Variants in VWA8 observed in about 807,000 individuals in gnomAD.
VWA8 encodes the protein von Willebrand factor A domain-containing protein 8.
Under a neutral mutation model 241.5 loss-of-function variants are expected in VWA8, and 221 were observed. That is an observed-to-expected ratio of 0.91 (90% CI 0.82 to 1.02). The LOEUF is 1.02. Ranked by LOEUF, VWA8 falls within the 50% of genes least tolerant of loss-of-function variation. The pLI, the probability that VWA8 is intolerant of heterozygous loss-of-function variation, is 0.00. For missense variants in VWA8, 2,322 were observed against 2,328.7 expected, an observed-to-expected ratio of 1.00 and a Z score of 0.06; for synonymous variants, 852 against 827.1, an observed-to-expected ratio of 1.03 and a Z score of -0.52.
intron 13 of VWA8, among the ~76,000 whole-genome samples, chr13:41,831,176 C>A (rs1871436605): frequency 6.6e-6 from 1 of 152,192 alleles, no homozygotes; most frequent in Admixed American, 6.5e-5. Context: ...GTTGCAATGG[C>A]TGAAAAGCAC....
intron 26 of VWA8, among the ~76,000 whole-genome samples, chr13:41,718,924 G>C (rs2045364164): frequency 6.6e-6 from 1 of 151,618 alleles, no homozygotes; most frequent in Non-Finnish European, 1.5e-5. Flanking sequence ...CAATAAGTTA[G>C]GCATATTGAA....
chr13:41,870,532 G>C (rs538800963), intron 9 of VWA8, among the ~76,000 whole-genome samples: 120 of 151,922 alleles, frequency 7.9e-4, no homozygotes, highest in Non-Finnish European at 1.4e-3. Flanking sequence ...CCAGCTACTC[G>C]GGAGGCTGGG....
In VWA8 at chr13:41,788,295, C is replaced by T. The variant is rs573676924; in HGVS notation, c.2064-752G>A. 8.5e-5 allele frequency among the ~76,000 whole-genome samples: 13 copies of T among 152,264 alleles called. No individual in the cohort carries two copies. In the South Asian group the frequency reaches 1.5e-3, roughly 17 times the overall value. On this transcript the variant is annotated intron_variant, in intron 17 of 44. Transcript: ENST00000379310. ...ACGTTCCAAATAAACATACTAAGAA[C>T]ATACCACTTTTAAACAATTTGGGTT...
At chr13:41,839,245 C>T (rs1362734461) in intron 12 of VWA8, among the ~76,000 whole-genome samples, 3 of 152,072 alleles carry the variant, frequency 2.0e-5, no homozygotes, top group Non-Finnish European at 4.4e-5. Flanking sequence ...CTGTAATGAC[C>T]GGTGATGATG....
chr13:41,855,439 GAAGA>G (rs942989632), intron 12 of VWA8, among the ~76,000 whole-genome samples: 8 of 148,128 alleles, frequency 5.4e-5, no homozygotes, highest in Admixed American at 1.4e-4. Flanking sequence ...AGCTACTGTA[GAAGA>G]AAGAGAAATA....
chr13:41,883,755 T>C (rs542049283), intron 8 of VWA8, among the ~76,000 whole-genome samples: 3 of 152,342 alleles, frequency 2.0e-5, no homozygotes, highest in African/African-American at 7.2e-5. Flanking sequence ...TCTTGACTTC[T>C]TTCTTGAGCT....
Position 41,891,980 on chromosome 13 carries a change from G to A in VWA8, c.484-393C>T, listed in dbSNP as rs75584315. Among the ~76,000 whole-genome samples, 1,074 of 152,244 alleles carry A rather than the reference G, an allele frequency of 7.1e-3. 16 individuals are homozygous for A. The highest frequency in any genetic ancestry group is 0.025 in the African/African-American group (1,026 of 41,546). On this transcript the variant is annotated intron_variant, in intron 4 of 44. Coordinates refer to ENST00000379310, the MANE Select transcript of VWA8 (RefSeq NM_015058.2). ...GTTATCTGCCCTACCTATCCCACAA[G>A]CTTCTTGTAAGGATCAAAAAAGCTA...
At chr13:41,946,990 C>T (rs1877879471) in intron 2 of VWA8, among the ~76,000 whole-genome samples, 1 of 152,196 alleles carries the variant, frequency 6.6e-6, no homozygotes, top group African/African-American at 2.4e-5. Flanking sequence ...GATGTCTGAT[C>T]ACCCCAGCCT....
At chr13:41,861,155 G>A (rs745369535) in intron 12 of VWA8, among the ~76,000 whole-genome samples, 6 of 152,050 alleles carry the variant, frequency 3.9e-5, no homozygotes, top group Non-Finnish European at 8.8e-5. Context: ...AGGTTGCCGT[G>A]AGCCGAGACT....
At position 41,690,215 on chromosome 13, in the gene VWA8, C is replaced by A; in HGVS notation, c.3927G>T (p.Leu1309Phe). Residue 1309 changes from leucine (L) to phenylalanine (F), a missense_variant, in exon 33 of 45, where the codon TTG (leucine) becomes TTT (phenylalanine). Transcript: ENST00000379310. ...TGGGCGGCTCCTCTTTCAGCACATACAACTGGCAAACCCCACTACCCTCAG... is the reference window on the plus strand; with the variant it reads ...TGGGCGGCTCCTCTTTCAGCACATAAAACTGGCAAACCCCACTACCCTCAG... ...IESEGSGVCQ[L>F]YVLKEEPPST... is the part of the protein sequence containing the mutation. 1 of 1,612,756 alleles carries A rather than the reference C, an allele frequency of 6.2e-7. No homozygotes were observed. Among genetic ancestry groups the A allele is most frequent in the Non-Finnish European group, 8.5e-7 (1 of 1,179,088 alleles).
chr13:41,572,335 C>T (rs1432828381), intron 43 of VWA8, among the ~76,000 whole-genome samples: 4 of 152,188 alleles, frequency 2.6e-5, no homozygotes, highest in Middle Eastern at 3.2e-3. Flanking sequence ...GCCATGATGA[C>T]GATGGCGGCT....
chr13:41,727,755 C>T (rs964113897), intron 23 of VWA8, among the ~76,000 whole-genome samples: 2 of 152,106 alleles, frequency 1.3e-5, no homozygotes, highest in African/African-American at 4.8e-5. Flanking sequence ...CATTATGCAG[C>T]TAAGGAGTTA....
chr13:41,950,746 G>GC (rs1878098679), intron 1 of VWA8, among the ~76,000 whole-genome samples: 1 of 143,782 alleles, frequency 7.0e-6, no homozygotes, highest in Admixed American at 7.3e-5. Context: ...TTGGCTCACC[G>GC]CAACTTCCGC....
At chr13:41,944,170 C>T (rs1299085009) in intron 2 of VWA8, among the ~76,000 whole-genome samples, 2 of 151,054 alleles carry the variant, frequency 1.3e-5, no homozygotes, top group African/African-American at 2.4e-5. Flanking sequence ...ACAGGCATTA[C>T]TGGAATAGAG....
intron 2 of VWA8, among the ~76,000 whole-genome samples, chr13:41,929,797 A>T (rs549480537): frequency 2.6e-5 from 4 of 152,328 alleles, no homozygotes; most frequent in African/African-American, 4.8e-5. Context: ...TCCTAGGAAA[A>T]AAGCTCCTGG....
At chr13:41,683,998 C>T (rs1474397876) in intron 35 of VWA8, among the ~76,000 whole-genome samples, 1 of 152,142 alleles carries the variant, frequency 6.6e-6, no homozygotes, top group Non-Finnish European at 1.5e-5. Context: ...AATCCTTCAA[C>T]TGATTAACTC....
intron 23 of VWA8, among the ~76,000 whole-genome samples, chr13:41,728,369 A>G (rs1407634273): frequency 6.6e-6 from 1 of 152,082 alleles, no homozygotes; most frequent in African/African-American, 2.4e-5. Context: ...ATAACCCTAC[A>G]AGTGATGGTT....
chr13:41,925,558 C>G (rs1408051178), intron 2 of VWA8: 2 of 154,172 alleles, frequency 1.3e-5, no homozygotes, highest in Non-Finnish European at 2.9e-5. Flanking sequence ...TTAAAATAGT[C>G]AATTATAAGA....
intron 43 of VWA8, among the ~76,000 whole-genome samples, chr13:41,573,002 G>A (rs1286841352): frequency 2.6e-5 from 4 of 150,982 alleles, no homozygotes; most frequent in South Asian, 2.1e-4. Context: ...TCAGCTGCTC[G>A]GAGGGCTGGG....
Sources: allele counts gnomAD v4.1 joint callset (sites outside exome capture counted in the v4.1 genomes callset), GRCh38; gene constraint gnomAD v4.1.1; transcripts MANE v1.5; gene names NCBI Gene and HGNC (gene_info 2026-07-23, HGNC 2026-07-21).